TRPM1: variants seen among roughly 807,000 people sequenced by gnomAD.
The protein encoded by TRPM1 is transient receptor potential cation channel subfamily M member 1.
Under a neutral mutation model 149.4 loss-of-function variants are expected in TRPM1, and 113 were observed. The ratio of observed to expected loss-of-function variants is 0.76; its 90% CI spans 0.65 to 0.88. The LOEUF is 0.88. Among genes scored for constraint, TRPM1 ranks in the 40% least tolerant of loss-of-function variants. The pLI, the probability that TRPM1 is intolerant of heterozygous loss-of-function variation, is 0.00. For missense variants in TRPM1, 1,976 were observed against 2,038.7 expected (o/e 0.97, Z 0.59); for synonymous variants, 741 against 759.5 (o/e 0.98, Z 0.40).
chr15:31,157,461 C>T (rs1341898934), intron 1 of TRPM1, among the ~76,000 whole-genome samples: 5 of 152,148 alleles, frequency 3.3e-5, no homozygotes, highest in African/African-American at 4.8e-5. Flanking sequence ...GGTACAATTG[C>T]TGGGCTATCC....
intron 1 of TRPM1, among the ~76,000 whole-genome samples, chr15:31,097,974 T>A (rs1239374109): frequency 1.3e-5 from 2 of 152,372 alleles, no homozygotes; most frequent in African/African-American, 4.8e-5. Context: ...TGGTATTGAC[T>A]ACATGTTGAA....
At chr15:31,110,516 CTT>C (rs1487987337) in intron 1 of TRPM1, among the ~76,000 whole-genome samples, 1 of 152,216 alleles carries the variant, frequency 6.6e-6, no homozygotes, top group Non-Finnish European at 1.5e-5. Flanking sequence ...AAACTCCTCT[CTT>C]TGTCTGGAAG....
intron 27 of TRPM1, among the ~76,000 whole-genome samples, chr15:31,005,370 G>A (rs888376984): frequency 5.3e-5 from 8 of 152,040 alleles, no homozygotes; most frequent in Admixed American, 3.3e-4. Context: ...TCAGATAACA[G>A]CACTCTCAGC....
At chr15:31,077,029 G>A (rs745561089) in intron 2 of TRPM1, 45 bp from the exon 3 acceptor site, 10 of 1,275,584 alleles carry the variant, frequency 7.8e-6, no homozygotes, top group Non-Finnish European at 1.1e-5. Context: ...ACATTCCCAA[G>A]CCATCATCAG....
chr15:31,074,422 G>A (rs367999379), intron 3 of TRPM1, among the ~76,000 whole-genome samples: 32 of 151,986 alleles, frequency 2.1e-4, no homozygotes, highest in African/African-American at 7.7e-4. Context: ...GTCAGTTTTG[G>A]CAGATTGTAT....
At position 31,137,651 on chromosome 15, in the gene TRPM1, G is replaced by A. The variant is rs145114239; in HGVS notation, c.54+23255C>T. On this transcript the variant is annotated intron_variant, in intron 1 of 26. Transcript: ENST00000542188. ...AGCTAATAAAAAGCTAAAAGTGCAA[G>A]GCATCACCCATACCAAGGACAGTAA... is the stretch of plus-strand genomic sequence containing the variant. Among the ~76,000 whole-genome samples the A allele has an allele frequency of 4.3e-4, 66 of 152,212 alleles. No homozygotes were observed. The East Asian group carries it at 0.01, about 23-fold the overall frequency.
At chr15:31,026,353 C>G in intron 26 of TRPM1, 82 bp from the exon 27 acceptor site, 2 of 1,542,840 alleles carry the variant, frequency 1.3e-6, no homozygotes, top group Non-Finnish European at 1.8e-6. Context: ...CACAGCCCCA[C>G]TTTAATTAAG....
intron 11 of TRPM1, among the ~76,000 whole-genome samples, chr15:31,050,784 A>G (rs550233758): frequency 6.6e-6 from 1 of 152,230 alleles, no homozygotes; most frequent in East Asian, 1.9e-4. Context: ...ATACACCTAC[A>G]TACTCAGTCG....
At chr15:31,090,024 C>T (rs1460513363) in intron 1 of TRPM1, among the ~76,000 whole-genome samples, 6 of 152,086 alleles carry the variant, frequency 3.9e-5, no homozygotes, top group African/African-American at 7.2e-5. Flanking sequence ...AGTATGTGCT[C>T]AATGGAACAA....
chr15:31,058,628 T>G (rs1470592035), intron 11 of TRPM1, among the ~76,000 whole-genome samples: 1 of 152,192 alleles, frequency 6.6e-6, no homozygotes, highest in East Asian at 1.9e-4. Flanking sequence ...TCAAGCACCT[T>G]GTAAAAGTGG....
At chr15:31,083,960 C>T (rs982969578) in intron 1 of TRPM1, among the ~76,000 whole-genome samples, 2 of 152,176 alleles carry the variant, frequency 1.3e-5, no homozygotes, top group African/African-American at 4.8e-5. Context: ...CTATTGTCCT[C>T]TGCTTCATCA....
intron 1 of TRPM1, among the ~76,000 whole-genome samples, chr15:31,120,251 A>G (rs1420469131): frequency 6.6e-6 from 1 of 152,156 alleles, no homozygotes; most frequent in African/African-American, 2.4e-5. Flanking sequence ...AGAAAGCTGG[A>G]GTAGCTATAT....
chr15:31,028,388 C>T lies in TRPM1; in HGVS notation c.3237G>A (p.Ala1079=), dbSNP rs376268003. ...GGATGTTGGCGACCAGTAGATAGCA[C>T]GCCATGAGTGCTGGAGTGAGCCAGG... ...PGAWLTPALM[A]CYLLVANILL... The change falls in exon 25 of 28, where the codon GCG becomes GCA. Residue 1079 remains alanine, a synonymous_variant. Coordinates refer to ENST00000256552, the MANE Select transcript of TRPM1 (RefSeq NM_001252024.2). 2.8e-5 allele frequency: 45 copies of T among 1,613,992 alleles called. No homozygotes were observed. The highest frequency in any genetic ancestry group is 1.7e-4 in the African/African-American group (13 of 74,906).
intron 1 of TRPM1, among the ~76,000 whole-genome samples, chr15:31,091,644 G>A (rs2035243463): frequency 6.6e-6 from 1 of 152,162 alleles, no homozygotes; most frequent in African/African-American, 2.4e-5. Context: ...GCACTTGGTG[G>A]TGAGGGCGGG....
intron 1 of TRPM1, among the ~76,000 whole-genome samples, chr15:31,150,212 T>C (rs2036281066): frequency 6.6e-6 from 1 of 152,220 alleles, no homozygotes; most frequent in Non-Finnish European, 1.5e-5. Flanking sequence ...AGGAGGTTTC[T>C]TTCCTGCAGG....
At chr15:31,097,963 T>A (rs1331381753) in intron 1 of TRPM1, among the ~76,000 whole-genome samples, 2 of 152,228 alleles carry the variant, frequency 1.3e-5, no homozygotes, top group Non-Finnish European at 2.9e-5. Flanking sequence ...TAGTATGTGT[T>A]TGGTATTGAC....
In TRPM1 at chr15:31,125,386, C is replaced by T. The variant is rs2035934311; in HGVS notation, c.54+35520G>A. On this transcript the variant is annotated intron_variant, in intron 1 of 26. Coordinates refer to the TRPM1 transcript ENST00000542188. ...ATGGGAGCTCTCTGTACTACATGCT[C>T]AATTTTCTGCAAACCTAAAACTACT... Among the ~76,000 whole-genome samples, 3 of 152,012 alleles carry T rather than the reference C, an allele frequency of 2.0e-5. No homozygotes were observed. The South Asian group carries it at 6.3e-4, about 32-fold the overall frequency.
At position 31,049,371 on chromosome 15, in the gene TRPM1, T is replaced by C. The variant is rs750391396; in HGVS notation, c.1572+4A>G. 6.2e-7 allele frequency: 1 copy of C among 1,614,198 alleles called. No individual in the cohort carries two copies. The highest frequency in any genetic ancestry group is 1.3e-5 in the African/African-American group (1 of 75,054). ...GCTTCCTTCCCTTTTTCTAGAGCAC[T>C]CACTGTGTTATAAAGCTCCTCCAGC... On this transcript the variant is annotated splice_donor_region_variant and intron_variant, in intron 13 of 27. Transcript: ENST00000256552.
intron 27 of TRPM1, among the ~76,000 whole-genome samples, chr15:31,008,570 T>C (rs970836421): frequency 6.6e-6 from 1 of 152,214 alleles, no homozygotes; most frequent in African/African-American, 2.4e-5. Flanking sequence ...CTCAATTTGC[T>C]AGTATTTTGT....
Sources: gnomAD v4.1 joint callset for allele counts (sites outside exome capture counted in the v4.1 genomes callset) on GRCh38, gnomAD v4.1.1 for gene constraint, MANE v1.5 for transcripts, NCBI Gene and HGNC (gene_info 2026-07-23, HGNC 2026-07-21) for gene names.